The following TOM1L2 variants were observed in gnomAD, a reference collection of about 807,000 sequenced individuals.
TOM1L2 encodes the protein TOM1-like protein 2.
TOM1L2 carries 31 observed loss-of-function variants against 67.9 expected under a neutral mutation model. The ratio of observed to expected loss-of-function variants is 0.46; its 90% CI spans 0.34 to 0.62. The LOEUF is 0.62. Among genes scored for constraint, TOM1L2 ranks in the 20% least tolerant of loss-of-function variants. The probability of loss-of-function intolerance (pLI) is 0.01; values close to 1 mark genes in which losing one functional copy is unlikely to be tolerated. For synonymous variants in TOM1L2, 256 were observed against 254.0 expected (o/e 1.01, Z -0.07); for missense variants, 606 against 663.5 (o/e 0.91, Z 0.95).
intron 4 of TOM1L2, among the ~76,000 whole-genome samples, chr17:17,891,432 C>A (rs886554011): frequency 1.3e-5 from 2 of 152,134 alleles, no homozygotes; most frequent in Non-Finnish European, 2.9e-5. Context: ...GAGGTGAGGG[C>A]AGGGTGTGCG....
At chr17:17,876,871 C>T (rs1666604487) in intron 7 of TOM1L2, among the ~76,000 whole-genome samples, 3 of 152,164 alleles carry the variant, frequency 2.0e-5, no homozygotes, top group Admixed American at 6.5e-5. Flanking sequence ...ACTGGGGACA[C>T]GCAGAAAGAC....
chr17:17,938,763 A>AG (rs202028070), intron 1 of TOM1L2, among the ~76,000 whole-genome samples: 2 of 118,506 alleles, frequency 1.7e-5, no homozygotes, highest in Admixed American at 9.2e-5. Flanking sequence ...AAAGGTTGAA[A>AG]GGGTTTTTTT....
intron 12 of TOM1L2, chr17:17,851,156 C>A: frequency 4.2e-5 from 24 of 570,630 alleles, no homozygotes; most frequent in Non-Finnish European, 4.7e-5. Context: ...CAATGAGGTG[C>A]AAATGATAAG....
At chr17:17,861,337 T>TC in intron 12 of TOM1L2, 139 bp downstream of exon 12, 1 of 683,342 alleles carries the variant, frequency 1.5e-6, no homozygotes, top group Non-Finnish European at 2.5e-6. Flanking sequence ...CCACGGGGTG[T>TC]CCCCCGTGGG....
At chr17:17,930,850 G>A (rs1041068686) in intron 1 of TOM1L2, among the ~76,000 whole-genome samples, 18 of 152,210 alleles carry the variant, frequency 1.2e-4, no homozygotes, top group African/African-American at 4.3e-4. Flanking sequence ...AGAAGGGAAA[G>A]ACAATGAGTT....
At position 17,857,474 on chromosome 17, in the gene TOM1L2, C is replaced by T. The variant is rs569655456; in HGVS notation, c.1278+4002G>A. Reference sequence around the variant, plus strand: ...GCTCATCCTGGAAAAGTGAATACTGCTCGGAGCTCCGGAGACAGTAAAAGG... The same window carrying T: ...GCTCATCCTGGAAAAGTGAATACTGTTCGGAGCTCCGGAGACAGTAAAAGG... On this transcript the variant is annotated intron_variant, in intron 12 of 14. Transcript: ENST00000379504. Among the ~76,000 whole-genome samples the T allele has an allele frequency of 2.2e-4, 33 of 152,220 alleles. 1 individual carries two copies. The South Asian group carries it at 4.8e-3, about 22-fold the overall frequency.
intron 11 of TOM1L2, chr17:17,862,431 C>T (rs2143723049): frequency 1.2e-5 from 3 of 250,312 alleles, no homozygotes; most frequent in Non-Finnish European, 2.3e-5. Flanking sequence ...GTGGTGTCTG[C>T]AGCAGCAGCA....
At chr17:17,907,394 G>T (rs1598309833) in intron 2 of TOM1L2, 53 bp downstream of exon 2, 2 of 1,545,164 alleles carry the variant, frequency 1.3e-6, no homozygotes, top group South Asian at 2.3e-5. Context: ...GACAAGCTTT[G>T]AGTGGCCCCT....
chr17:17,907,578 T>C (rs1163008141), intron 1 of TOM1L2, 47 bp from the exon 2 acceptor site: 2 of 1,575,630 alleles, frequency 1.3e-6, no homozygotes, highest in Non-Finnish European at 1.7e-6. Flanking sequence ...CTGGAATAAG[T>C]GGGCCTTGGC....
chr17:17,903,499 G>A lies in TOM1L2; in HGVS notation c.137+3948C>T, dbSNP rs113143934. ...GTGGTGGCGGGCGCCTGTAGTCCCA[G>A]CTACTCAGGAGGCTGAGGCAGGAGA... On this transcript the variant is annotated intron_variant, in intron 2 of 14. Transcript: ENST00000379504. Among the ~76,000 whole-genome samples the A allele has an allele frequency of 8.3e-3, 1,260 of 151,980 alleles. 18 individuals carry two copies. The highest frequency in any genetic ancestry group is 0.029 in the African/African-American group (1,214 of 41,434).
intron 4 of TOM1L2, among the ~76,000 whole-genome samples, chr17:17,893,346 G>A (rs911567459): frequency 2.6e-5 from 4 of 152,116 alleles, no homozygotes; most frequent in Non-Finnish European, 4.4e-5. Flanking sequence ...AAACCCGCAC[G>A]TAGCTCTAAC....
intron 1 of TOM1L2, among the ~76,000 whole-genome samples, chr17:17,909,934 C>T (rs919585530): frequency 6.6e-6 from 1 of 152,084 alleles, no homozygotes; most frequent in African/African-American, 2.4e-5. Context: ...GAGGCTGAGG[C>T]AGGAAGATTG....
At chr17:17,893,215 C>T (rs1432295140) in intron 4 of TOM1L2, among the ~76,000 whole-genome samples, 1 of 152,206 alleles carries the variant, frequency 6.6e-6, no homozygotes, top group Non-Finnish European at 1.5e-5. Context: ...CCAAACTCCC[C>T]ATCATTCTTC....
intron 5 of TOM1L2, 79 bp from the exon 6 acceptor site, chr17:17,882,942 A>G (rs535452826): frequency 6.4e-7 from 1 of 1,558,962 alleles, no homozygotes; most frequent in Admixed American, 1.7e-5. Flanking sequence ...CACCCCATGC[A>G]GCACTTCCCC....
intron 14 of TOM1L2, 43 bp from the exon 15 acceptor site, chr17:17,847,826 G>A (rs776844460): frequency 1.9e-6 from 3 of 1,612,480 alleles, no homozygotes; most frequent in Non-Finnish European, 2.5e-6. Context: ...GGTGAGGGCA[G>A]GCCACCAGAG....
At chr17:17,944,497 C>T (rs953654472) in intron 1 of TOM1L2, among the ~76,000 whole-genome samples, 3 of 152,276 alleles carry the variant, frequency 2.0e-5, no homozygotes, top group Admixed American at 1.3e-4. Flanking sequence ...ATTTATGATC[C>T]GTGGGATCAG....
At chr17:17,867,037 C>T (rs1366479155) in intron 8 of TOM1L2, 113 bp from the exon 9 acceptor site, 2 of 993,068 alleles carry the variant, frequency 2.0e-6, no homozygotes. Flanking sequence ...GCCAGTCCCA[C>T]CTGGGGGCTA....
At chr17:17,857,977 C>G in intron 12 of TOM1L2, 1 of 845,422 alleles carries the variant, frequency 1.2e-6, no homozygotes, top group South Asian at 1.6e-5. Context: ...ATGCCCTGCT[C>G]CCAACCTCCA....
rs778776857 is a variant in TOM1L2, at chr17:17,847,715, TG to T, written c.1443del (p.Met482TrpfsTer78). 6.2e-7 allele frequency: 1 copy of T among 1,613,880 alleles called. No individual in the cohort carries two copies. Among genetic ancestry groups the T allele is most frequent in the East Asian group, 2.2e-5 (1 of 44,854 alleles). On this transcript the variant is annotated frameshift_variant, in exon 15 of 15. Transcript: ENST00000379504. LOFTEE classifies it high-confidence loss of function. ...TTTGAGGCTGGGGCAGGAGCCTCCA[TG>T]GGGGGCGAGGGGAGGTCGGGAACCA... Reference protein sequence around the residue: ...AEMVPDLPSPPMEAPAPASNP... With the variant: ...AEMVPDLPSPXMEAPAPASNP...
Sources: allele counts gnomAD v4.1 joint callset (sites outside exome capture counted in the v4.1 genomes callset), GRCh38; gene constraint gnomAD v4.1.1; transcripts MANE v1.5; gene names NCBI Gene and HGNC (gene_info 2026-07-23, HGNC 2026-07-21).